TM9SF4: variants seen among roughly 807,000 people sequenced by gnomAD.
TM9SF4 encodes the protein transmembrane 9 superfamily member 4, also known as dinucleotide oxidase disulfide thiol exchanger 3 superfamily member 4.
In TM9SF4, 26 loss-of-function variants were observed where a neutral mutation model predicts 90.4. The ratio of observed to expected loss-of-function variants is 0.29; its 90% confidence interval spans 0.21 to 0.40. TM9SF4 has a LOEUF of 0.40. Ranked by LOEUF, TM9SF4 falls within the 10% of genes least tolerant of loss-of-function variation. TM9SF4 has a pLI of 1.00. For synonymous variants in TM9SF4, 293 were observed against 315.4 expected (o/e 0.93, Z 0.75); for missense variants, 549 against 834.8 (o/e 0.66, Z 4.22).
intron 1 of TM9SF4, chr20:32,109,995 T>G: frequency 7.1e-7 from 1 of 1,413,098 alleles, no homozygotes; most frequent in South Asian, 1.5e-5. Context: ...AGACCTCGGC[T>G]GCTGCCTTCG....
intron 1 of TM9SF4, among the ~76,000 whole-genome samples, chr20:32,122,904 C>T (rs1176995687): frequency 4.6e-5 from 7 of 151,910 alleles, no homozygotes; most frequent in Admixed American, 2.6e-4. Context: ...AACCAGACTC[C>T]GTCTGCAATC....
chr20:32,124,964 C>T (rs748863870), intron 1 of TM9SF4, among the ~76,000 whole-genome samples: 38 of 152,136 alleles, frequency 2.5e-4, no homozygotes, highest in Middle Eastern at 3.2e-3. Flanking sequence ...TTTACTTTTA[C>T]GTTACTTTGG....
chr20:32,141,978 C>T (rs1472199079), intron 5 of TM9SF4, 83 bp downstream of exon 5: 2 of 1,582,174 alleles, frequency 1.3e-6, no homozygotes, highest in East Asian at 4.5e-5. Context: ...AAAGGTGGGG[C>T]TCGGCCACAG....
chr20:32,148,796 G>A (rs890459455), intron 9 of TM9SF4, among the ~76,000 whole-genome samples: 2 of 150,156 alleles, frequency 1.3e-5, no homozygotes, highest in Non-Finnish European at 3.0e-5. Flanking sequence ...TCAGCCTCCC[G>A]AGTAGCTGGG....
rs1224343277 is a variant in TM9SF4, at chr20:32,158,447, G to A, written c.1506-4G>A. The A allele has an allele frequency of 1.2e-6, 2 of 1,614,200 alleles. No homozygotes were observed. The highest frequency in any genetic ancestry group is 2.7e-5 in the African/African-American group (2 of 75,054). ...AACAATGTCAACCTCTCGTTCTGTG[G>A]CAGCATCCTCATGGCTGGGATCTTG... On this transcript the variant is annotated splice_region_variant and splice_polypyrimidine_tract_variant and intron_variant, in intron 14 of 17. Transcript: ENST00000398022.
intron 17 of TM9SF4, 101 bp downstream of exon 17, chr20:32,161,466 C>G: frequency 8.8e-7 from 1 of 1,136,786 alleles, no homozygotes; most frequent in Non-Finnish European, 1.3e-6. Context: ...CTTCCTTTTC[C>G]ACCCAGAATG....
rs770747344 is a variant in TM9SF4 at position 32,145,334 on chromosome 20, C to T, written c.794C>T (p.Ser265Phe). ...CAGGAAAGTGATATCAAATGGGCCT[C>T]TCGCTGGGACACTTACCTGACCATG... ...HWEESDIKWA[S>F]RWDTYLTMSD... is the part of the protein sequence containing the mutation. Residue 265 changes from serine (S) to phenylalanine (F), a missense_variant, in exon 8 of 18, where the codon TCT becomes TTT. By Grantham distance (155) the Ser-to-Phe change is radical. Coordinates refer to ENST00000398022, the MANE Select transcript of TM9SF4 (RefSeq NM_014742.4). 1.2e-6 allele frequency: 2 copies of T among 1,614,052 alleles called. No individual in the cohort carries two copies. The highest frequency in any genetic ancestry group is 2.2e-5 in the South Asian group (2 of 91,088).
At position 32,158,438 on chromosome 20, in the gene TM9SF4, C is replaced by T. The variant is rs538059385; in HGVS notation, c.1506-13C>T. The stretch of plus-strand genomic sequence containing the variant: ...CTGGTCTCTAACAATGTCAACCTCT[C>T]GTTCTGTGGCAGCATCCTCATGGCT... On this transcript the variant is annotated splice_polypyrimidine_tract_variant and intron_variant, in intron 14 of 17. Coordinates refer to ENST00000398022, the MANE Select transcript of TM9SF4 (RefSeq NM_014742.4). 1.5e-5 allele frequency: 25 copies of T among 1,614,176 alleles called. No individual in the cohort carries two copies. The South Asian group carries it at 1.6e-4, about 11-fold the overall frequency.
Position 32,150,457 on chromosome 20 carries a change from G to A in TM9SF4, c.1088-165G>A, listed in dbSNP as rs117066299. On this transcript the variant is annotated intron_variant, in intron 10 of 17. Transcript: ENST00000398022. ...TAAGACCCAGTCTTCCCCTGTAGAG[G>A]GTAGGGGACTATGCTGTTGAGAAGA... Among the ~76,000 whole-genome samples, 264 of 152,304 alleles carry A rather than the reference G, an allele frequency of 1.7e-3. 6 individuals are homozygous for A. The East Asian group carries it at 0.05, about 29-fold the overall frequency.
chr20:32,123,866 A>ATTTTTTTTTTTTT (rs1165240152), intron 1 of TM9SF4, among the ~76,000 whole-genome samples: 10 of 93,926 alleles, frequency 1.1e-4, no homozygotes, highest in South Asian at 6.9e-4. Context: ...ATATATATAT[A>ATTTTTTTTTTTTT]TTTTTTTTTT....
At chr20:32,148,663 CTTTTT>C (rs1234035990) in intron 9 of TM9SF4, among the ~76,000 whole-genome samples, 3 of 120,148 alleles carry the variant, frequency 2.5e-5, no homozygotes, top group Admixed American at 8.7e-5. Context: ...AATATTACAG[CTTTTT>C]TTTTTTTTTT....
chr20:32,161,373 C>T lies in TM9SF4; in HGVS notation c.1779+8C>T, dbSNP rs1367731966. On this transcript the variant is annotated splice_region_variant and intron_variant, in intron 17 of 17. Coordinates refer to ENST00000398022, the MANE Select transcript of TM9SF4 (RefSeq NM_014742.4). The stretch of plus-strand genomic sequence containing the variant: ...TTTTATTTCGTTAACAAGGTACTGC[C>T]CTCCTTGAGGAGGTCCTCTTAGTCC... 6.2e-7 allele frequency: 1 copy of T among 1,613,144 alleles called. No homozygotes were observed. Among genetic ancestry groups the T allele is most frequent in the African/African-American group, 1.3e-5 (1 of 74,872 alleles).
chr20:32,159,752 A>G, intron 15 of TM9SF4: 1 of 547,910 alleles, frequency 1.8e-6, no homozygotes, highest in Non-Finnish European at 3.3e-6. Context: ...TATTTTCTAC[A>G]AGCTGCTGAG....
At chr20:32,122,330 G>A (rs577146941) in intron 1 of TM9SF4, among the ~76,000 whole-genome samples, 76 of 150,200 alleles carry the variant, frequency 5.1e-4, no homozygotes, top group Admixed American at 4.5e-3. Flanking sequence ...CCTCCCGGAC[G>A]GGGTGGCTGC....
chr20:32,132,080 G>T (rs1311926983), intron 1 of TM9SF4, among the ~76,000 whole-genome samples: 1 of 152,190 alleles, frequency 6.6e-6, no homozygotes, highest in Non-Finnish European at 1.5e-5. Flanking sequence ...CTTCTCTGAG[G>T]AAGTGATATT....
chr20:32,143,134 AGGGCTGGATGGGCCT>A (rs769030719), intron 6 of TM9SF4, 29 bp downstream of exon 6: 428 of 1,609,114 alleles, frequency 2.7e-4, no homozygotes, highest in Non-Finnish European at 3.5e-4. Flanking sequence ...CCGGAGGGGC[AGGGCTGGATGGGCCT>A]GGGCTTCTCC....
intron 1 of TM9SF4, among the ~76,000 whole-genome samples, chr20:32,110,369 C>T (rs1008014130): frequency 1.3e-5 from 2 of 152,108 alleles, no homozygotes; most frequent in African/African-American, 4.8e-5. Context: ...CCTGTCTTCT[C>T]TCAGTCAACT....
chr20:32,152,987 A>G (rs1223670569), intron 12 of TM9SF4, among the ~76,000 whole-genome samples: 1 of 152,178 alleles, frequency 6.6e-6, no homozygotes, highest in Non-Finnish European at 1.5e-5. Flanking sequence ...GTGCTACACA[A>G]CAGAGTCATG....
chr20:32,117,189 A>C (rs1359286230), intron 1 of TM9SF4, among the ~76,000 whole-genome samples: 1 of 139,102 alleles, frequency 7.2e-6, no homozygotes, highest in Non-Finnish European at 1.5e-5. Flanking sequence ...ATATCACTGC[A>C]CTCTAGCCTG....
Sources: allele counts gnomAD v4.1 joint callset (sites outside exome capture counted in the v4.1 genomes callset), GRCh38; gene constraint gnomAD v4.1.1; transcripts MANE v1.5; gene names NCBI Gene and HGNC (gene_info 2026-07-23, HGNC 2026-07-21).